The following SEPTIN9 variants were observed in gnomAD, a reference collection of about 807,000 sequenced individuals.
SEPTIN9 encodes septin 9.
A neutral mutation model predicts 56.6 loss-of-function variants in SEPTIN9; 13 were observed. That is an observed-to-expected ratio of 0.23 (90% CI 0.15 to 0.37). The LOEUF is 0.37. Among genes scored for constraint, SEPTIN9 ranks in the 10% least tolerant of loss-of-function variants. The probability of loss-of-function intolerance (pLI) is 1.00; values close to 1 mark genes in which losing one functional copy is unlikely to be tolerated. For synonymous variants in SEPTIN9, 332 were observed against 334.1 expected (o/e 0.99, Z 0.07); for missense variants, 650 against 823.1 (o/e 0.79, Z 2.57).
In SEPTIN9 at chr17:77,492,646, G is replaced by T; in HGVS notation, c.1406G>T (p.Gly469Val). The change falls in exon 9 of 12, where the codon GGC becomes GTC. Residue 469 changes from glycine to valine, a missense_variant. Physicochemically the swap from Gly to Val is moderately radical, Grantham distance 109. Transcript: ENST00000427177. The surrounding 1 kb of genome is among the most constrained non-coding windows in gnomAD (Gnocchi z 5.4). Reference sequence around the variant, plus strand: ...ATCACCGCAGACCTGCTGTCCAACGGCATCGACGTGTACCCCCAGAAGGAA... The same window carrying T: ...ATCACCGCAGACCTGCTGTCCAACGTCATCGACGTGTACCCCCAGAAGGAA... ...QRITADLLSNGIDVYPQKEFD... is the reference protein window; with the variant it reads ...QRITADLLSNVIDVYPQKEFD... The T allele has an allele frequency of 6.2e-7, 1 of 1,614,116 alleles. No individual in the cohort carries two copies. Among genetic ancestry groups the T allele is most frequent in the Non-Finnish European group, 8.5e-7 (1 of 1,180,022 alleles).
Position 77,326,565 on chromosome 17 carries a change from C to T in SEPTIN9, c.76+19368C>T, listed in dbSNP as rs573495908. Among the ~76,000 whole-genome samples the T allele has an allele frequency of 4.9e-4, 74 of 152,258 alleles. No individual in the cohort carries two copies. Among genetic ancestry groups the T allele is most frequent in the African/African-American group, 1.7e-3 (70 of 41,544 alleles). ...GCGCGGGGGGCTGAGGCCGGCAGCA[C>T]GGCAGGAAGTAAGACTGGGGTTGAA... On this transcript the variant is annotated intron_variant, in intron 2 of 11. Transcript: ENST00000427177. This position sits in a 1 kb window ranked among gnomAD's most constrained non-coding sequence, Gnocchi z 5.1.
At chr17:77,376,028 C>T in intron 2 of SEPTIN9, 1 of 885,706 alleles carries the variant, frequency 1.1e-6, no homozygotes, top group Non-Finnish European at 1.3e-6. Context: ...GTGATGTGGA[C>T]AGGCAGCTTC....
At chr17:77,452,812 C>G (rs2038035403) in intron 3 of SEPTIN9, among the ~76,000 whole-genome samples, 2 of 150,812 alleles carry the variant, frequency 1.3e-5, no homozygotes, top group South Asian at 2.1e-4. Context: ...TTGGCCAACT[C>G]CCCCGGCAGC....
rs2032564460 is a variant in SEPTIN9 at position 77,313,019 on chromosome 17, T to G, written c.76+5822T>G. Among the ~76,000 whole-genome samples the G allele has an allele frequency of 6.6e-6, 1 of 152,182 alleles. No homozygotes were observed. Among genetic ancestry groups the G allele is most frequent in the African/African-American group, 2.4e-5 (1 of 41,436 alleles). ...GCGCTGGTTTAGATCATCTTCACGT[T>G]GGATCCACAAATTCATTGTTTATCC... On this transcript the variant is annotated intron_variant, in intron 2 of 11. Coordinates refer to ENST00000427177, the MANE Select transcript of SEPTIN9 (RefSeq NM_001113491.2). The surrounding 1 kb of genome is among the most constrained non-coding windows in gnomAD (Gnocchi z 4.5).
intron 1 of SEPTIN9, among the ~76,000 whole-genome samples, chr17:77,291,586 C>T (rs2031555991): frequency 1.3e-5 from 2 of 151,992 alleles, no homozygotes; most frequent in Admixed American, 6.5e-5. Context: ...GAGCTGAGAT[C>T]GTGCCACGGC....
At chr17:77,423,443 C>T (rs2036776759) in intron 3 of SEPTIN9, among the ~76,000 whole-genome samples, 1 of 152,214 alleles carries the variant, frequency 6.6e-6, no homozygotes. Context: ...TCACCCCCAC[C>T]CAGATGGCGG....
chr17:77,426,228 G>A (rs1272319468), intron 3 of SEPTIN9, among the ~76,000 whole-genome samples: 2 of 151,920 alleles, frequency 1.3e-5, no homozygotes, highest in Non-Finnish European at 2.9e-5. Flanking sequence ...TGAACTGACC[G>A]CCTGTCCTAC....
At chr17:77,296,327 C>A (rs760410371) in intron 1 of SEPTIN9, among the ~76,000 whole-genome samples, 1 of 152,042 alleles carries the variant, frequency 6.6e-6, no homozygotes, top group Non-Finnish European at 1.5e-5. Flanking sequence ...AGGGAGACAG[C>A]CAATAGGAGA....
chr17:77,416,165 T>A (rs2036499490), intron 3 of SEPTIN9, among the ~76,000 whole-genome samples: 1 of 128,918 alleles, frequency 7.8e-6, no homozygotes, highest in South Asian at 2.3e-4. Context: ...ATTCCTGGAT[T>A]TTTTGGCACT....
chr17:77,461,685 C>T (rs528965630), intron 3 of SEPTIN9, among the ~76,000 whole-genome samples: 115 of 152,282 alleles, frequency 7.6e-4, no homozygotes, highest in African/African-American at 2.5e-3. Context: ...TTAGGGTCAT[C>T]CAGAGAAACA....
intron 3 of SEPTIN9, among the ~76,000 whole-genome samples, chr17:77,478,021 T>A (rs312823): frequency 0.17 from 25,697 of 150,036 alleles, 6,116 homozygotes; most frequent in African/African-American, 0.54. Flanking sequence ...TTGGGGGGGG[T>A]CACAGGTGTT....
At chr17:77,461,516 G>A (rs1050130300) in intron 3 of SEPTIN9, among the ~76,000 whole-genome samples, 1 of 152,170 alleles carries the variant, frequency 6.6e-6, no homozygotes, top group African/African-American at 2.4e-5. Context: ...CAAGGACGAC[G>A]CTGTCCCTGC....
chr17:77,442,506 TAAAAAAAAAA>T lies in SEPTIN9; in HGVS notation c.722-39625_722-39616del, dbSNP rs574360726. Among the ~76,000 whole-genome samples the T allele has an allele frequency of 1.3e-3, 120 of 91,342 alleles. 1 individual carries two copies. Among genetic ancestry groups the T allele is most frequent in the African/African-American group, 4.6e-3 (117 of 25,262 alleles). 59.9% of individuals were successfully genotyped at this position (91,342 alleles called of 152,430 possible). ...GCCACTGCACCCAGCCAACTAGTCT[TAAAAAAAAAA>T]AAAAAAAAAAAAGAACTTAGGGCCC... is the stretch of plus-strand genomic sequence containing the variant. On this transcript the variant is annotated intron_variant, in intron 3 of 11. Transcript: ENST00000427177.
chr17:77,388,810 C>CTTTTTTTT (rs5822196), intron 2 of SEPTIN9, among the ~76,000 whole-genome samples: 8 of 78,046 alleles, frequency 1.0e-4, no homozygotes, highest in Non-Finnish European at 1.3e-4. Context: ...GTGTTAGGCG[C>CTTTTTTTT]TTTTTTTTTT....
chr17:77,302,584 A>G (rs1175409257), intron 1 of SEPTIN9, among the ~76,000 whole-genome samples: 1 of 152,204 alleles, frequency 6.6e-6, no homozygotes. Context: ...AGGTTGAGGC[A>G]GGAGAATCAC....
chr17:77,375,166 C>T (rs1348013709), intron 2 of SEPTIN9: 1 of 152,576 alleles, frequency 6.6e-6, no homozygotes, highest in African/African-American at 2.4e-5. Flanking sequence ...ACCTCCCTGC[C>T]CCTGCCTCTT....
intron 2 of SEPTIN9, among the ~76,000 whole-genome samples, chr17:77,392,119 G>A (rs922244958): frequency 5.9e-5 from 9 of 152,188 alleles, no homozygotes; most frequent in African/African-American, 2.2e-4. Flanking sequence ...GGCCTCAGCC[G>A]AAAATCCAAC....
At chr17:77,302,375 A>T (rs2032087590) in intron 1 of SEPTIN9, among the ~76,000 whole-genome samples, 1 of 152,024 alleles carries the variant, frequency 6.6e-6, no homozygotes, top group South Asian at 2.1e-4. Flanking sequence ...TGCATTGGGG[A>T]AAGTCCATTA....
At chr17:77,366,175 C>G (rs2034565859) in intron 2 of SEPTIN9, among the ~76,000 whole-genome samples, 1 of 152,156 alleles carries the variant, frequency 6.6e-6, no homozygotes, top group Non-Finnish European at 1.5e-5. Context: ...TTCTTGTCCC[C>G]TAGTGTGACT....
Sources: gnomAD v4.1 joint callset for allele counts (sites outside exome capture counted in the v4.1 genomes callset) on GRCh38, gnomAD v4.1.1 for gene constraint, Gnocchi (gnomAD v3.1) non-coding constraint, MANE v1.5 for transcripts, NCBI Gene and HGNC (gene_info 2026-07-23, HGNC 2026-07-21) for gene names.